The following ESRRG variants were observed in gnomAD, a reference collection of about 807,000 sequenced individuals.
ESRRG encodes estrogen-related receptor gamma.
Under a neutral mutation model 44.0 loss-of-function variants are expected in ESRRG, and 13 were observed. The observed-to-expected ratio is 0.30, with a 90% CI of 0.19 to 0.47. ESRRG has a LOEUF of 0.47. ESRRG is among the 20% of genes least tolerant of loss of function. The pLI is 1.00. For missense variants in ESRRG, 395 were observed against 580.6 expected, an observed-to-expected ratio of 0.68 and a Z score of 3.29; for synonymous variants, 215 against 214.6, an observed-to-expected ratio of 1.00 and a Z score of -0.02.
chr1:217,071,585 T>G (rs764695918), intron 1 of ESRRG, among the ~76,000 whole-genome samples: 5 of 152,190 alleles, frequency 3.3e-5, no homozygotes, highest in African/African-American at 4.8e-5. Flanking sequence ...AAAATCAGTT[T>G]TATATATTAA....
intron 1 of ESRRG, among the ~76,000 whole-genome samples, chr1:216,698,874 C>T (rs942734662): frequency 1.3e-5 from 2 of 152,146 alleles, no homozygotes; most frequent in African/African-American, 2.4e-5. Flanking sequence ...TGAAAAATGG[C>T]GACTTTCATC....
At chr1:217,114,345 C>G (rs891617546) in intron 1 of ESRRG, among the ~76,000 whole-genome samples, 12 of 152,040 alleles carry the variant, frequency 7.9e-5, no homozygotes, top group African/African-American at 2.9e-4. Context: ...ACATTCCTTA[C>G]ACTACCTCTC....
At position 216,735,282 on chromosome 1, in the gene ESRRG, C is replaced by T. The variant is rs1045077682; in HGVS notation, c.-13-57791G>A. Among the ~76,000 whole-genome samples, 68 of 151,628 alleles carry T rather than the reference C, an allele frequency of 4.5e-4. 2 individuals are homozygous for T. The highest frequency in any genetic ancestry group is 1.3e-4 in the Admixed American group (2 of 15,228). On this transcript the variant is annotated intron_variant, in intron 2 of 7. Coordinates refer to the ESRRG transcript ENST00000359162. ...GGAGTGCAGTGATGAGATCATAGCT[C>T]ACTGCACCCTCAAACTCCTGTGCTC...
chr1:216,806,965 C>T (rs968603142), intron 2 of ESRRG, among the ~76,000 whole-genome samples: 4 of 152,158 alleles, frequency 2.6e-5, no homozygotes, highest in Admixed American at 2.6e-4. Flanking sequence ...GAGGCCAGGG[C>T]TCTGTAACTC....
chr1:216,635,894 A>G (rs970945669), intron 3 of ESRRG, among the ~76,000 whole-genome samples: 4 of 152,196 alleles, frequency 2.6e-5, no homozygotes, highest in African/African-American at 7.2e-5. Flanking sequence ...AGCAGAACCA[A>G]TTCATCTTTG....
intron 1 of ESRRG, among the ~76,000 whole-genome samples, chr1:217,097,772 T>A (rs2105201): frequency 0.23 from 34,465 of 148,376 alleles, 4,011 homozygotes; most frequent in East Asian, 0.28. Context: ...TACCTTCCCA[T>A]AAGAAAAGAA....
intron 1 of ESRRG, among the ~76,000 whole-genome samples, chr1:217,132,187 G>T (rs1250810046): frequency 6.6e-6 from 1 of 152,150 alleles, no homozygotes; most frequent in African/African-American, 2.4e-5. Flanking sequence ...AGAGAGGGAG[G>T]TCTCACTGTG....
intron 3 of ESRRG, among the ~76,000 whole-genome samples, chr1:216,599,075 G>C (rs1437366126): frequency 3.3e-5 from 5 of 152,130 alleles, no homozygotes; most frequent in Non-Finnish European, 7.4e-5. Context: ...TTATCTGAAG[G>C]AGATTGGTTG....
intron 1 of ESRRG, among the ~76,000 whole-genome samples, chr1:217,005,059 C>T (rs1454725283): frequency 1.3e-5 from 2 of 152,088 alleles, no homozygotes; most frequent in Admixed American, 6.5e-5. Context: ...CAAGATAACT[C>T]AGTGTTGTCA....
At chr1:216,906,986 G>T (rs1203995164) in intron 2 of ESRRG, among the ~76,000 whole-genome samples, 1 of 152,200 alleles carries the variant, frequency 6.6e-6, no homozygotes. Flanking sequence ...ATTTGTGTAT[G>T]TGAGTGTATA....
At chr1:216,925,451 C>T (rs958917341) in intron 2 of ESRRG, among the ~76,000 whole-genome samples, 1 of 151,972 alleles carries the variant, frequency 6.6e-6, no homozygotes, top group Non-Finnish European at 1.5e-5. Context: ...ACAACAACAA[C>T]AATAACAATG....
At position 216,790,440 on chromosome 1, in the gene ESRRG, A is replaced by C. The variant is rs76414981; in HGVS notation, c.-13-112949T>G. Among the ~76,000 whole-genome samples, 309 of 152,248 alleles carry C rather than the reference A, an allele frequency of 2.0e-3. 1 individual carries two copies. The highest frequency in any genetic ancestry group is 7.1e-3 in the African/African-American group (293 of 41,560). ...ATAAAATGCTTTCATACAAACATAAAAGATAAACTAATATAGGAGTTCAAA... is the reference window on the plus strand; with the variant it reads ...ATAAAATGCTTTCATACAAACATAACAGATAAACTAATATAGGAGTTCAAA... On this transcript the variant is annotated intron_variant, in intron 2 of 7. Coordinates refer to the ESRRG transcript ENST00000359162.
At chr1:216,956,814 T>G (rs2150131174) in intron 1 of ESRRG, among the ~76,000 whole-genome samples, 1 of 152,238 alleles carries the variant, frequency 6.6e-6, no homozygotes, top group South Asian at 2.1e-4. Flanking sequence ...CATGAACAAT[T>G]CCTATGTCAC....
intron 1 of ESRRG, among the ~76,000 whole-genome samples, chr1:217,054,287 C>G (rs2086663400): frequency 6.6e-6 from 1 of 152,142 alleles, no homozygotes; most frequent in Admixed American, 6.5e-5. Context: ...TTCTAAAGGT[C>G]ATACTGGGGG....
intron 1 of ESRRG, among the ~76,000 whole-genome samples, chr1:216,967,599 G>A (rs140776421): frequency 6.6e-5 from 10 of 152,012 alleles, no homozygotes; most frequent in South Asian, 2.1e-4. Flanking sequence ...ATAATACTCC[G>A]TTGTCTGGAT....
At chr1:216,986,271 T>C (rs1456184195) in intron 1 of ESRRG, among the ~76,000 whole-genome samples, 5 of 152,180 alleles carry the variant, frequency 3.3e-5, no homozygotes, top group Admixed American at 3.3e-4. Flanking sequence ...CTTAAATTAT[T>C]GTTAGTTATT....
rs1366812430 is a variant in ESRRG at position 217,064,057 on chromosome 1, C to CTA, written c.-106+25448_-106+25449dup. Among the ~76,000 whole-genome samples the CTA allele has an allele frequency of 4.0e-3, 584 of 144,540 alleles. 3 individuals are homozygous for CTA. The highest frequency in any genetic ancestry group is 0.013 in the African/African-American group (545 of 40,840). The allele number at this position is 144,540 out of a possible 152,430, so 94.8% of individuals were successfully genotyped here. On this transcript the variant is annotated intron_variant, in intron 1 of 7. Coordinates refer to the ESRRG transcript ENST00000359162. ...CACAATAAATAGATATATACACACC[C>CTA]TATATACATATATATTTGTAAAATA...
At chr1:216,540,397 A>C (rs2052352204) in intron 5 of ESRRG, among the ~76,000 whole-genome samples, 1 of 152,010 alleles carries the variant, frequency 6.6e-6, no homozygotes, top group African/African-American at 2.4e-5. Context: ...TGAAGACTAG[A>C]CATGGCCATA....
At chr1:217,047,338 C>T (rs148689477) in intron 1 of ESRRG, among the ~76,000 whole-genome samples, 87 of 152,240 alleles carry the variant, frequency 5.7e-4, no homozygotes, top group African/African-American at 2.0e-3. Context: ...CTAATCCTCC[C>T]AACCAATTCT....
Sources: allele counts gnomAD v4.1 joint callset (sites outside exome capture counted in the v4.1 genomes callset), GRCh38; gene constraint gnomAD v4.1.1; transcripts MANE v1.5; gene names NCBI Gene and HGNC (gene_info 2026-07-23, HGNC 2026-07-21).